VILL: variants seen among roughly 807,000 people sequenced by gnomAD.
VILL encodes the protein villin-like protein.
In VILL, 102 loss-of-function variants were observed where a neutral mutation model predicts 106.3. That is an observed-to-expected ratio of 0.96 (90% CI 0.82 to 1.13). VILL has a LOEUF of 1.13. Ranked by LOEUF, VILL falls within the 50% of genes most tolerant of loss-of-function variation. The pLI is 0.00. For synonymous variants in VILL, 431 were observed against 440.3 expected, an observed-to-expected ratio of 0.98 and a Z score of 0.27; for missense variants, 1,076 against 1,116.6, an observed-to-expected ratio of 0.96 and a Z score of 0.52.
At chr3:38,001,638 G>T in intron 12 of VILL, 45 bp downstream of exon 12, 1 of 1,613,442 alleles carries the variant, frequency 6.2e-7, no homozygotes. Context: ...AAGCCCAAGG[G>T]CTGGGCTCTG....
At position 38,003,311 on chromosome 3, in the gene VILL, G is replaced by A. The variant is rs1255543113; in HGVS notation, c.1803G>A (p.Lys601=). 6.2e-7 allele frequency: 1 copy of A among 1,607,256 alleles called. No individual in the cohort carries two copies. The change falls in exon 15 of 20, where the codon AAG becomes AAA. Residue 601 remains lysine, a splice_region_variant and synonymous_variant. Coordinates refer to ENST00000383759, the MANE Select transcript of VILL (RefSeq NM_015873.4). The part of the protein sequence containing the change: ...LGGRAPYPSN[K]RLPEEVPSFQ... ...GCCGGGCCCCCTACCCCAGCAACAA[G>A]AGGTAACAGGGTTGGGAGGAGAGTG...
chr3:37,999,216 C>A, intron 10 of VILL, 123 bp from the exon 11 acceptor site: 2 of 1,076,494 alleles, frequency 1.9e-6, no homozygotes, highest in Non-Finnish European at 2.4e-6. Flanking sequence ...AGGAAAGGGG[C>A]GTGGGCTGCG....
rs756074257 is a variant in VILL at position 38,004,301 on chromosome 3, T to C, written c.1852T>C (p.Ser618Pro). The C allele has an allele frequency of 6.2e-7, 1 of 1,613,932 alleles. No homozygotes were observed. The highest frequency in any genetic ancestry group is 8.5e-7 in the Non-Finnish European group (1 of 1,179,798). The change falls in exon 16 of 20, where the codon TCC becomes CCC. Residue 618 changes from serine to proline, a missense_variant. Transcript: ENST00000383759. ...CTTCCAGCCACGACTGTTTGAGTGCTCCAGCCACATGGGCTGCCTGGTCCT... is the reference window on the plus strand; with the variant it reads ...CTTCCAGCCACGACTGTTTGAGTGCCCCAGCCACATGGGCTGCCTGGTCCT... ...PSFQPRLFEC[S>P]SHMGCLVLAE...
At chr3:37,995,598 C>T (rs1050323534) in intron 4 of VILL, 141 bp from the exon 5 acceptor site, 2 of 646,116 alleles carry the variant, frequency 3.1e-6, no homozygotes, top group African/African-American at 1.8e-5. Context: ...CTTATACATA[C>T]ATGTGTTCAC....
At chr3:38,001,663 G>T in intron 12 of VILL, 39 bp from the exon 13 acceptor site, 1 of 1,613,610 alleles carries the variant, frequency 6.2e-7, no homozygotes, top group East Asian at 2.2e-5. Context: ...TGAAATGTGA[G>T]AGCTGGGCCA....
At position 37,995,657 on chromosome 3, in the gene VILL, C is replaced by T. The variant is rs1575334401; in HGVS notation, c.342-82C>T. 2.4e-5 allele frequency: 28 copies of T among 1,173,574 alleles called. No homozygotes were observed. The East Asian group carries it at 6.5e-4, about 27-fold the overall frequency. The allele number at this position is 1,173,574 out of a possible 1,614,324, so 72.7% of individuals were successfully genotyped here. A position where few individuals can be genotyped will look rare whatever the true frequency, so the allele number is the denominator to read the frequency against. On this transcript the variant is annotated intron_variant, in intron 4 of 19. Transcript: ENST00000383759. Reference sequence around the variant, plus strand: ...GCAGGCACATACGTGCACGTGCTCACATCTGCAGTCATTCATGCACATGGC... The same window carrying T: ...GCAGGCACATACGTGCACGTGCTCATATCTGCAGTCATTCATGCACATGGC...
At chr3:37,993,754 G>C (rs1208831918) in intron 2 of VILL, 22 bp downstream of exon 2, 1 of 1,613,192 alleles carries the variant, frequency 6.2e-7, no homozygotes, top group African/African-American at 1.3e-5. Context: ...GACCAAATAG[G>C]AGAGTTGGTG....
chr3:37,992,067 T>C (rs1039590155), intron 1 of VILL, among the ~76,000 whole-genome samples: 2 of 152,144 alleles, frequency 1.3e-5, no homozygotes, highest in African/African-American at 4.8e-5. Flanking sequence ...TCCCAACTTT[T>C]TGGCTGCCAG....
chr3:37,998,301 CTA>C lies in VILL; in HGVS notation c.881_882del (p.Tyr294CysfsTer8), dbSNP rs1292945895. ...TCCTGGACCAGGGTGGCTTCAAGAT[CTA>C]TGTGTGGCAGGGACGCATGTCTAGC... is the stretch of plus-strand genomic sequence containing the variant. ...YILDQGGFKI[Y>X]VWQGRMSSLQ... On this transcript the variant is annotated frameshift_variant, in exon 9 of 20. Coordinates refer to ENST00000383759, the MANE Select transcript of VILL (RefSeq NM_015873.4). LOFTEE classifies it high-confidence loss of function. This position sits in a 1 kb window ranked among gnomAD's most constrained non-coding sequence, Gnocchi z 4.1. The C allele has an allele frequency of 1.2e-6, 2 of 1,614,038 alleles. No homozygotes were observed. Among genetic ancestry groups the C allele is most frequent in the Non-Finnish European group, 1.7e-6 (2 of 1,180,018 alleles).
intron 16 of VILL, among the ~76,000 whole-genome samples, chr3:38,005,588 G>C (rs1341832781): frequency 6.6e-6 from 1 of 152,216 alleles, no homozygotes; most frequent in Non-Finnish European, 1.5e-5. Flanking sequence ...GATTGAACGT[G>C]TGTGTGCATG....
rs747912973 is a variant in VILL, at chr3:38,006,680, G to A, written c.2437G>A (p.Val813Met). 12 of 1,607,908 alleles carry A rather than the reference G, an allele frequency of 7.5e-6. No homozygotes were observed. In the East Asian group the frequency reaches 2.0e-4, roughly 27 times the overall value. Residue 813 changes from valine to methionine, a missense_variant, in exon 19 of 20, where the codon GTG becomes ATG. Coordinates refer to ENST00000383759, the MANE Select transcript of VILL (RefSeq NM_015873.4). ...HQAVEDLPEG[V>M]DPARREFYLS... is the part of the protein sequence containing the mutation. ...GGCTGTTGAGGACCTGCCAGAGGGC[G>A]TGGACCCTGCCCGCAGGGAGGTGGG...
At position 37,998,435 on chromosome 3, in the gene VILL, C is replaced by T. The variant is rs575361682; in HGVS notation, c.942+71C>T. 1 of 1,426,352 alleles carries T rather than the reference C, an allele frequency of 7.0e-7. No homozygotes were observed. Among genetic ancestry groups the T allele is most frequent in the Admixed American group, 1.8e-5 (1 of 56,950 alleles). 88.4% of individuals were successfully genotyped at this position (1,426,352 alleles called of 1,614,324 possible). On this transcript the variant is annotated intron_variant, in intron 9 of 19. Coordinates refer to ENST00000383759, the MANE Select transcript of VILL (RefSeq NM_015873.4). This position sits in a 1 kb window ranked among gnomAD's most constrained non-coding sequence, Gnocchi z 4.1. The stretch of plus-strand genomic sequence containing the variant: ...GGTCTGAGTGGGGAGGCAGCTCCGC[C>T]CCAGGGTCTAAGGGAGGAATCAGCC...
intron 14 of VILL, 85 bp downstream of exon 14, chr3:38,002,660 C>CT (rs1264777937): frequency 2.1e-6 from 3 of 1,451,334 alleles, no homozygotes; most frequent in African/African-American, 1.4e-5. Flanking sequence ...GGCATGCAGA[C>CT]TTTGAGTCCA....
At chr3:37,993,804 C>G (rs1395196076) in intron 2 of VILL, 72 bp downstream of exon 2, 1 of 1,605,772 alleles carries the variant, frequency 6.2e-7, no homozygotes, top group Non-Finnish European at 8.5e-7. Flanking sequence ...AGGCTTCTCC[C>G]GCCCCCAACT....
intron 2 of VILL, 34 bp downstream of exon 2, chr3:37,993,766 C>A (rs1434472187): frequency 6.2e-7 from 1 of 1,611,918 alleles, no homozygotes; most frequent in South Asian, 1.1e-5. Context: ...GAGTTGGTGA[C>A]ATGGAAGAGC....
At chr3:37,993,476 C>T (rs1487841195) in intron 1 of VILL, 111 bp from the exon 2 acceptor site, 3 of 601,498 alleles carry the variant, frequency 5.0e-6, no homozygotes, top group African/African-American at 1.9e-5. Flanking sequence ...CCAACCCACT[C>T]ATATCAGCTG....
intron 13 of VILL, 182 bp downstream of exon 13, chr3:38,002,042 C>T: frequency 1.0e-6 from 1 of 966,988 alleles, no homozygotes. Flanking sequence ...TTTCCCTCCC[C>T]AGTCCCAGAG....
chr3:37,995,258 A>G (rs1699679958), intron 4 of VILL, among the ~76,000 whole-genome samples: 1 of 152,258 alleles, frequency 6.6e-6, no homozygotes, highest in African/African-American at 2.4e-5. Flanking sequence ...GATCATTTCC[A>G]TTTCATACAG....
intron 15 of VILL, 43 bp from the exon 16 acceptor site, chr3:38,004,212 G>A: frequency 6.3e-7 from 1 of 1,577,934 alleles, no homozygotes; most frequent in Non-Finnish European, 8.7e-7. Context: ...GGGCTGGGGT[G>A]CCCCTCTGGG....
Sources: allele counts gnomAD v4.1 joint callset (sites outside exome capture counted in the v4.1 genomes callset), GRCh38; gene constraint gnomAD v4.1.1; non-coding constraint Gnocchi (gnomAD v3.1); transcripts MANE v1.5; gene names NCBI Gene and HGNC (gene_info 2026-07-23, HGNC 2026-07-21).